SENP7: variants seen among roughly 807,000 people sequenced by gnomAD.
SENP7 encodes the protein sentrin-specific protease 7.
A neutral mutation model predicts 141.2 loss-of-function variants in SENP7; 64 were observed. The ratio of observed to expected loss-of-function variants is 0.45; its 90% CI spans 0.37 to 0.56. The LOEUF (loss-of-function observed/expected upper bound fraction) is 0.56, where lower values mean the gene tolerates loss of function less well. Among genes scored for constraint, SENP7 ranks in the 20% least tolerant of loss-of-function variants. SENP7 has a pLI of 0.00. For synonymous variants in SENP7, 382 were observed against 426.4 expected, an observed-to-expected ratio of 0.90 and a Z score of 1.28; for missense variants, 1,025 against 1,212.2, an observed-to-expected ratio of 0.85 and a Z score of 2.29.
chr3:101,504,704 C>G (rs2065524858), intron 1 of SENP7, among the ~76,000 whole-genome samples: 1 of 152,176 alleles, frequency 6.6e-6, no homozygotes, highest in Non-Finnish European at 1.5e-5. Context: ...TTTACAGTAA[C>G]ACAGAACTGG....
At chr3:101,431,508 C>CTTTTTTTT (rs56937965) in intron 4 of SENP7, among the ~76,000 whole-genome samples, 6 of 82,910 alleles carry the variant, frequency 7.2e-5, no homozygotes, top group East Asian at 3.7e-4. Context: ...GCAACCCCTG[C>CTTTTTTTT]TTTTTTTTTT....
At chr3:101,387,871 T>A (rs140283305) in intron 6 of SENP7, among the ~76,000 whole-genome samples, 2 of 152,258 alleles carry the variant, frequency 1.3e-5, no homozygotes, top group Non-Finnish European at 1.5e-5. Context: ...GGACTAGGGA[T>A]CGACTAGGGA....
At chr3:101,513,016 C>G (rs1227722392) in intron 1 of SENP7, 75 bp downstream of exon 1, 1 of 1,547,248 alleles carries the variant, frequency 6.5e-7, no homozygotes, top group Admixed American at 1.7e-5. Context: ...GGCCGCAACC[C>G]CAGCTGCCGC....
rs570171090 is a variant in SENP7, at chr3:101,513,076, C to G, written c.40+15G>C. 1.2e-5 allele frequency: 20 copies of G among 1,613,520 alleles called. 1 individual carries two copies. The African/African-American group carries it at 2.1e-4, about 17-fold the overall frequency. The stretch of plus-strand genomic sequence containing the variant: ...AGGAGACAATATGTTCAGCCCTTCT[C>G]TGACCCTTTCTCACCGGATGAAGAT... On this transcript the variant is annotated intron_variant, in intron 1 of 23. Transcript: ENST00000394095.
At chr3:101,478,804 T>C (rs558106209) in intron 3 of SENP7, among the ~76,000 whole-genome samples, 1 of 152,180 alleles carries the variant, frequency 6.6e-6, no homozygotes, top group South Asian at 2.1e-4. Flanking sequence ...CAACAAAATA[T>C]TATTAATAGC....
chr3:101,491,606 A>G (rs1347328036), intron 3 of SENP7, among the ~76,000 whole-genome samples: 1 of 152,106 alleles, frequency 6.6e-6, no homozygotes, highest in Admixed American at 6.5e-5. Flanking sequence ...TTATGCAAAT[A>G]TATTATTTTC....
intron 4 of SENP7, among the ~76,000 whole-genome samples, chr3:101,437,927 A>T (rs909097540): frequency 6.9e-6 from 1 of 144,056 alleles, no homozygotes; most frequent in East Asian, 2.0e-4. Context: ...CTACAAATTT[A>T]AAAAAAAAAA....
chr3:101,500,853 A>G (rs1381493230), intron 2 of SENP7, among the ~76,000 whole-genome samples: 1 of 152,214 alleles, frequency 6.6e-6, no homozygotes, highest in Non-Finnish European at 1.5e-5. Flanking sequence ...TATACTGGTC[A>G]TCTGGTCCAG....
intron 4 of SENP7, among the ~76,000 whole-genome samples, chr3:101,421,160 T>A (rs2061780519): frequency 6.6e-6 from 1 of 151,956 alleles, no homozygotes; most frequent in Non-Finnish European, 1.5e-5. Flanking sequence ...CTGAAGTATC[T>A]GAAGATAAAA....
At chr3:101,446,131 G>A (rs1053106740) in intron 4 of SENP7, among the ~76,000 whole-genome samples, 1 of 152,096 alleles carries the variant, frequency 6.6e-6, no homozygotes, top group African/African-American at 2.4e-5. Context: ...AAAGTGTAGT[G>A]CCTCTCCCTT....
intron 4 of SENP7, among the ~76,000 whole-genome samples, chr3:101,427,174 C>T (rs562512760): frequency 1.2e-4 from 18 of 152,130 alleles, no homozygotes; most frequent in Admixed American, 6.6e-4. Context: ...TGGGATGAAA[C>T]GGGGGTTCAA....
rs180706150 is a variant in SENP7, at chr3:101,451,388, C to A, written c.284+7567G>T. ...TTATGAGGCCAGCATCATCCTGATA[C>A]CAAAGCCTGGCAGAGACAACAAAAA... On this transcript the variant is annotated intron_variant, in intron 4 of 23. Transcript: ENST00000394095. Among the ~76,000 whole-genome samples, 1,456 of 152,238 alleles carry A rather than the reference C, an allele frequency of 9.6e-3. 22 individuals carry two copies. The highest frequency in any genetic ancestry group is 0.033 in the African/African-American group (1,380 of 41,534).
chr3:101,466,696 A>G (rs557326739), intron 3 of SENP7, among the ~76,000 whole-genome samples: 1 of 152,314 alleles, frequency 6.6e-6, no homozygotes, highest in Admixed American at 6.5e-5. Context: ...ATCACTACAA[A>G]AAGCCACAAA....
At chr3:101,397,545 G>C (rs1275061633) in intron 6 of SENP7, among the ~76,000 whole-genome samples, 1 of 152,124 alleles carries the variant, frequency 6.6e-6, no homozygotes, top group Non-Finnish European at 1.5e-5. Context: ...CTTAGCAAGA[G>C]ACCTAATAAA....
At chr3:101,402,616 CAAAAAAAA>C (rs58525002) in intron 5 of SENP7, among the ~76,000 whole-genome samples, 1 of 93,676 alleles carries the variant, frequency 1.1e-5, no homozygotes, top group South Asian at 4.3e-4. Flanking sequence ...GACTCCGTCT[CAAAAAAAA>C]AAAAAAAAAA....
intron 4 of SENP7, among the ~76,000 whole-genome samples, chr3:101,442,062 C>A (rs1397416480): frequency 2.0e-5 from 3 of 151,924 alleles, no homozygotes; most frequent in Non-Finnish European, 4.4e-5. Flanking sequence ...GAGGTTAATC[C>A]ATAAAACTGA....
intron 6 of SENP7, among the ~76,000 whole-genome samples, chr3:101,398,409 G>A (rs1006454564): frequency 2.6e-5 from 4 of 152,242 alleles, no homozygotes; most frequent in Admixed American, 6.5e-5. Context: ...GCAGTGAGCC[G>A]AGATCATGCC....
At chr3:101,403,317 A>C (rs1198739701) in intron 5 of SENP7, among the ~76,000 whole-genome samples, 7 of 152,256 alleles carry the variant, frequency 4.6e-5, no homozygotes, top group African/African-American at 1.7e-4. Context: ...ATTTTTCCCT[A>C]CATAAAGACA....
chr3:101,478,701 T>C (rs1234665020), intron 3 of SENP7, among the ~76,000 whole-genome samples: 2 of 152,246 alleles, frequency 1.3e-5, no homozygotes, highest in East Asian at 3.9e-4. Flanking sequence ...TACGAAGTCA[T>C]TCCTACCCTT....
Sources: allele counts gnomAD v4.1 joint callset (sites outside exome capture counted in the v4.1 genomes callset), GRCh38; gene constraint gnomAD v4.1.1; transcripts MANE v1.5; gene names NCBI Gene and HGNC (gene_info 2026-07-23, HGNC 2026-07-21).